The following LRRC4C variants were observed in gnomAD, a reference collection of about 807,000 sequenced individuals.
LRRC4C encodes the protein leucine rich repeat containing 4C, also known as leucine-rich repeat-containing protein 4C.
LRRC4C carries 5 observed loss-of-function variants against 33.6 expected under a neutral mutation model. The ratio of observed to expected loss-of-function variants is 0.15; its 90% CI spans 0.08 to 0.31. The LOEUF is 0.31. LRRC4C is among the 10% of genes least tolerant of loss of function. The pLI is 1.00. For missense variants in LRRC4C, 560 were observed against 796.7 expected, an observed-to-expected ratio of 0.70 and a Z score of 3.58; for synonymous variants, 329 against 302.0, an observed-to-expected ratio of 1.09 and a Z score of -0.93.
chr11:40,557,476 CTGAAACGATTATCTTTA>C (rs1199327702), intron 3 of LRRC4C, among the ~76,000 whole-genome samples: 1 of 152,092 alleles, frequency 6.6e-6, no homozygotes, highest in Admixed American at 6.5e-5. Flanking sequence ...TATCTTTGAA[CTGAAACGATTATCTTTA>C]TGATTAGAAA....
chr11:40,992,413 A>G (rs896581853), intron 1 of LRRC4C, among the ~76,000 whole-genome samples: 9 of 149,838 alleles, frequency 6.0e-5, no homozygotes, highest in Admixed American at 5.4e-4. Context: ...TGATATAAAA[A>G]CAAAAGCATA....
At chr11:40,485,867 A>T (rs564243166) in intron 3 of LRRC4C, among the ~76,000 whole-genome samples, 1 of 152,100 alleles carries the variant, frequency 6.6e-6, no homozygotes, top group African/African-American at 2.4e-5. Context: ...GGATAGAGCC[A>T]TTATCCTAAG....
chr11:40,557,795 G>A (rs1226760839), intron 3 of LRRC4C, among the ~76,000 whole-genome samples: 1 of 152,072 alleles, frequency 6.6e-6, no homozygotes, highest in East Asian at 1.9e-4. Context: ...ATAAAGCAGA[G>A]AAGTGAATCC....
In LRRC4C at chr11:40,500,346, T is replaced by C. The variant is rs963269786; in HGVS notation, c.-270+147796A>G. On this transcript the variant is annotated intron_variant, in intron 3 of 6. Coordinates refer to ENST00000528697, the MANE Select transcript of LRRC4C (RefSeq NM_001258419.2). The stretch of plus-strand genomic sequence containing the variant: ...CACACACACACACATTATATATATA[T>C]ACACATTATATATATATAATCTATT... Among the ~76,000 whole-genome samples the C allele has an allele frequency of 1.5e-4, 23 of 148,390 alleles. No homozygotes were observed. In the East Asian group the frequency reaches 4.0e-3, roughly 26 times the overall value.
intron 1 of LRRC4C, among the ~76,000 whole-genome samples, chr11:41,075,503 C>T (rs780932740): frequency 6.6e-6 from 1 of 152,038 alleles, no homozygotes; most frequent in Non-Finnish European, 1.5e-5. Flanking sequence ...CCACTCAAGG[C>T]CTTCTTTCCT....
chr11:40,322,720 T>C (rs1945913835), intron 3 of LRRC4C, among the ~76,000 whole-genome samples: 1 of 152,166 alleles, frequency 6.6e-6, no homozygotes, highest in African/African-American at 2.4e-5. Context: ...CTATCCTAAT[T>C]TGTGAAACAG....
chr11:40,612,973 C>T (rs1591275436), intron 3 of LRRC4C, among the ~76,000 whole-genome samples: 1 of 151,870 alleles, frequency 6.6e-6, no homozygotes, highest in African/African-American at 2.4e-5. Context: ...AATGTGCATA[C>T]CTTGGTGAAA....
Position 40,666,023 on chromosome 11 carries a change from T to C in LRRC4C, c.-406-17745A>G, listed in dbSNP as rs371242813. On this transcript the variant is annotated intron_variant, in intron 2 of 6. Transcript: ENST00000528697. ...TTTGGCTTTTTTCTATATATAGGTG[T>C]GTGTTCATGTGTACAGGTCCTGGTT... is the stretch of plus-strand genomic sequence containing the variant. Among the ~76,000 whole-genome samples the C allele has an allele frequency of 1.2e-4, 19 of 152,144 alleles. No homozygotes were observed. In the East Asian group the frequency reaches 1.3e-3, roughly 11 times the overall value.
At chr11:41,357,824 G>A (rs561098679) in intron 1 of LRRC4C, among the ~76,000 whole-genome samples, 2 of 152,104 alleles carry the variant, frequency 1.3e-5, no homozygotes, top group Non-Finnish European at 2.9e-5. Flanking sequence ...GTATCAAGAT[G>A]TTAGCTCTTC....
intron 1 of LRRC4C, among the ~76,000 whole-genome samples, chr11:41,399,840 A>G (rs1953960308): frequency 6.6e-6 from 1 of 151,972 alleles, no homozygotes; most frequent in African/African-American, 2.4e-5. Flanking sequence ...GCTCAGAATA[A>G]CCATGTTCCT....
intron 1 of LRRC4C, among the ~76,000 whole-genome samples, chr11:40,935,291 C>T (rs966760281): frequency 6.6e-6 from 1 of 152,120 alleles, no homozygotes; most frequent in Non-Finnish European, 1.5e-5. Flanking sequence ...AAAATTCAGT[C>T]CCTTTACAGC....
intron 2 of LRRC4C, among the ~76,000 whole-genome samples, chr11:40,676,560 A>G (rs1335472415): frequency 6.6e-6 from 1 of 152,116 alleles, no homozygotes; most frequent in African/African-American, 2.4e-5. Flanking sequence ...ATTTATTCCT[A>G]TTACACAATG....
chr11:41,417,866 G>A (rs1324477055), intron 1 of LRRC4C, among the ~76,000 whole-genome samples: 3 of 151,086 alleles, frequency 2.0e-5, no homozygotes, highest in African/African-American at 7.3e-5. Context: ...CATTGCTGTT[G>A]CTATCCTAGC....
At chr11:40,480,759 G>A (rs776925620) in intron 3 of LRRC4C, among the ~76,000 whole-genome samples, 1 of 151,934 alleles carries the variant, frequency 6.6e-6, no homozygotes, top group Non-Finnish European at 1.5e-5. Flanking sequence ...CTATAAAAAT[G>A]AGACAATCTA....
intron 5 of LRRC4C, among the ~76,000 whole-genome samples, chr11:40,186,481 G>A (rs1861410408): frequency 1.3e-5 from 2 of 152,058 alleles, no homozygotes; most frequent in African/African-American, 4.8e-5. Context: ...ATATTGTTGG[G>A]GCTGTGAAAA....
chr11:40,249,096 G>A (rs1418094720), intron 4 of LRRC4C, among the ~76,000 whole-genome samples: 1 of 152,146 alleles, frequency 6.6e-6, no homozygotes, highest in East Asian at 1.9e-4. Context: ...TCAGCACTTT[G>A]GGAGGCGGAG....
At chr11:40,943,808 T>C (rs1329851818) in intron 1 of LRRC4C, among the ~76,000 whole-genome samples, 3 of 152,144 alleles carry the variant, frequency 2.0e-5, no homozygotes, top group African/African-American at 7.2e-5. Context: ...GACACAGATG[T>C]TTAAAACCCA....
At chr11:40,672,992 TA>T (rs1944208046) in intron 2 of LRRC4C, among the ~76,000 whole-genome samples, 1 of 151,702 alleles carries the variant, frequency 6.6e-6, no homozygotes, top group Non-Finnish European at 1.5e-5. Context: ...ATGAAGCTCT[TA>T]AAAAATTGGA....
intron 3 of LRRC4C, among the ~76,000 whole-genome samples, chr11:40,380,814 G>A (rs1948834771): frequency 2.6e-5 from 4 of 152,166 alleles, no homozygotes; most frequent in Admixed American, 1.3e-4. Flanking sequence ...TATTATTGCT[G>A]TGAACAGAAA....
Sources: allele counts gnomAD v4.1 joint callset (sites outside exome capture counted in the v4.1 genomes callset), GRCh38; gene constraint gnomAD v4.1.1; transcripts MANE v1.5; gene names NCBI Gene and HGNC (gene_info 2026-07-23, HGNC 2026-07-21).